The following URB2 variants were observed in gnomAD, a reference collection of about 807,000 sequenced individuals.
URB2 encodes URB2 ribosome biogenesis homolog.
URB2 carries 86 observed loss-of-function variants against 120.9 expected under a neutral mutation model. The ratio of observed to expected loss-of-function variants is 0.71; its 90% CI spans 0.60 to 0.85. The LOEUF (loss-of-function observed/expected upper bound fraction) is 0.85. URB2 is among the 40% of genes least tolerant of loss of function. The pLI, the probability that URB2 is intolerant of heterozygous loss-of-function variation, is 0.00. For synonymous variants in URB2, 755 were observed against 758.4 expected (o/e 1.00, Z 0.07); for missense variants, 1,765 against 1,836.5 (o/e 0.96, Z 0.71).
chr1:229,642,602 C>T (rs1184629305), intron 4 of URB2, among the ~76,000 whole-genome samples: 7 of 152,120 alleles, frequency 4.6e-5, no homozygotes, highest in African/African-American at 1.7e-4. Flanking sequence ...AAACCGTGGG[C>T]CCAAGGACAC....
intron 2 of URB2, among the ~76,000 whole-genome samples, chr1:229,628,235 A>G (rs887677055): frequency 6.9e-6 from 1 of 145,342 alleles, no homozygotes; most frequent in Non-Finnish European, 1.5e-5. Flanking sequence ...ATATATGTAT[A>G]TATATTATAC....
chr1:229,637,508 G>A lies in URB2; in HGVS notation c.2895G>A (p.Met965Ile). 3 of 1,614,208 alleles carry A rather than the reference G, an allele frequency of 1.9e-6. No individual in the cohort carries two copies. The highest frequency in any genetic ancestry group is 1.1e-5 in the South Asian group (1 of 91,086). ...GKSARSVFKI[M>I]YGSDIFEVVL... ...GTGCTCGCTCTGTGTTCAAGATCAT[G>A]TATGGTAGTGATATTTTTGAGGTTG... Residue 965 changes from methionine to isoleucine, a missense_variant, in exon 4 of 10, where the codon ATG (methionine) becomes ATA (isoleucine). By Grantham distance (10) the Met-to-Ile change is conservative. Transcript: ENST00000258243.
At chr1:229,653,939 T>TG (rs1410232048) in intron 8 of URB2, among the ~76,000 whole-genome samples, 2 of 146,894 alleles carry the variant, frequency 1.4e-5, no homozygotes, top group Non-Finnish European at 3.0e-5. Context: ...TCTTGGTGTT[T>TG]TTTTTTTTTT....
intron 8 of URB2, among the ~76,000 whole-genome samples, chr1:229,652,066 G>A (rs770934763): frequency 6.6e-6 from 1 of 151,816 alleles, no homozygotes; most frequent in East Asian, 1.9e-4. Flanking sequence ...CCTGTAATCC[G>A]AGCTACTTGG....
chr1:229,645,457 C>T (rs1456014829), intron 5 of URB2, among the ~76,000 whole-genome samples: 1 of 152,170 alleles, frequency 6.6e-6, no homozygotes, highest in East Asian at 1.9e-4. Flanking sequence ...CCCCTCCTAT[C>T]TGTAAGCGTG....
intron 5 of URB2, among the ~76,000 whole-genome samples, chr1:229,645,292 A>G (rs1450435247): frequency 4.0e-5 from 6 of 151,544 alleles, no homozygotes; most frequent in Admixed American, 3.9e-4. Context: ...TCTCGAAAAA[A>G]AAAAAAAAGT....
chr1:229,652,938 A>G (rs926911439), intron 8 of URB2, among the ~76,000 whole-genome samples: 1 of 152,240 alleles, frequency 6.6e-6, no homozygotes, highest in Non-Finnish European at 1.5e-5. Context: ...GTTCTCAGAC[A>G]CATTCATGGC....
rs180711261 is a variant in URB2 at position 229,655,338 on chromosome 1, A to G, written c.4377+950A>G. Among the ~76,000 whole-genome samples, 550 of 152,184 alleles carry G rather than the reference A, an allele frequency of 3.6e-3. 4 individuals carry two copies. Among genetic ancestry groups the G allele is most frequent in the African/African-American group, 0.013 (523 of 41,500 alleles). On this transcript the variant is annotated intron_variant, in intron 9 of 9. Coordinates refer to ENST00000258243, the MANE Select transcript of URB2 (RefSeq NM_014777.4). ...AACCTCTGCCCCGTGGGTTCAAGTG[A>G]TTCTTCTGCCTCAGCCCCCTGAGTA...
At position 229,635,922 on chromosome 1, in the gene URB2, G is replaced by A. The variant is rs1301990321; in HGVS notation, c.1309G>A (p.Asp437Asn). Reference sequence around the variant, plus strand: ...TGACCTGCTGGCTTCAGCGTGGATCGATGCCGAGGTAACAGAGTTTCGAAC... The same window carrying A: ...TGACCTGCTGGCTTCAGCGTGGATCAATGCCGAGGTAACAGAGTTTCGAAC... ...LDDLLASAWI[D>N]AEVTEFRTKK... Residue 437 changes from aspartate to asparagine, a missense_variant, in exon 4 of 10, where the codon GAT (aspartate) becomes AAT (asparagine). Physicochemically the swap from Asp to Asn is conservative, Grantham distance 23 (BLOSUM62 1). Transcript: ENST00000258243. The A allele has an allele frequency of 9.3e-6, 15 of 1,614,096 alleles. No individual in the cohort carries two copies. The Admixed American group carries it at 1.0e-4, about 11-fold the overall frequency.
chr1:229,652,628 A>G (rs1197831495), intron 8 of URB2, among the ~76,000 whole-genome samples: 1 of 152,262 alleles, frequency 6.6e-6, no homozygotes, highest in Admixed American at 6.5e-5. Context: ...CAGCCTTAGT[A>G]AACAAGTTTC....
intron 4 of URB2, among the ~76,000 whole-genome samples, chr1:229,643,300 C>T (rs1441995696): frequency 3.3e-5 from 5 of 152,224 alleles, no homozygotes; most frequent in East Asian, 3.8e-4. Context: ...GCATGGCTGT[C>T]GTCTTCTGTG....
At position 229,651,284 on chromosome 1, in the gene URB2, T is replaced by A; in HGVS notation, c.4199T>A (p.Val1400Glu). ...TTCTTGAACTCTTTCAATAGATTGGTGTTTTCAGTTATGCGGGAAGGGCGG... is the reference window on the plus strand; with the variant it reads ...TTCTTGAACTCTTTCAATAGATTGGAGTTTTCAGTTATGCGGGAAGGGCGG... The part of the protein sequence containing the change: ...PSFLNSFNRL[V>E]FSVMREGRQK... Residue 1400 changes from valine (V) to glutamate (E), a missense_variant, in exon 8 of 10, where the codon GTG (valine) becomes GAG (glutamate). Coordinates refer to ENST00000258243, the MANE Select transcript of URB2 (RefSeq NM_014777.4). 1 of 1,612,736 alleles carries A rather than the reference T, an allele frequency of 6.2e-7. No individual in the cohort carries two copies. The highest frequency in any genetic ancestry group is 2.2e-5 in the East Asian group (1 of 44,866).
At chr1:229,654,499 G>A in intron 9 of URB2, 111 bp downstream of exon 9, 2 of 1,494,812 alleles carry the variant, frequency 1.3e-6, no homozygotes, top group South Asian at 1.3e-5. Flanking sequence ...CTCTGTTGCT[G>A]TGTGCAAGTT....
rs116505905 is a variant in URB2 at position 229,635,454 on chromosome 1, G to A, written c.841G>A (p.Val281Met). 5.3e-4 allele frequency: 854 copies of A among 1,613,224 alleles called. 8 individuals carry two copies. The East Asian group carries it at 0.017, about 32-fold the overall frequency. The change falls in exon 4 of 10, where the codon GTG becomes ATG. Residue 281 changes from valine (V) to methionine (M), a missense_variant. By Grantham distance (21) the Val-to-Met change is conservative. Coordinates refer to ENST00000258243, the MANE Select transcript of URB2 (RefSeq NM_014777.4). ...MKNLLAPMDTVLNRLVDAGYC... is the reference protein window; with the variant it reads ...MKNLLAPMDTMLNRLVDAGYC... Reference sequence around the variant, plus strand: ...GAACCTTCTGGCTCCCATGGACACCGTGCTTAACAGGCTGGTTGATGCTGG... The same window carrying A: ...GAACCTTCTGGCTCCCATGGACACCATGCTTAACAGGCTGGTTGATGCTGG...
intron 4 of URB2, among the ~76,000 whole-genome samples, chr1:229,639,001 A>G (rs1468573496): frequency 6.6e-6 from 1 of 152,158 alleles, no homozygotes; most frequent in African/African-American, 2.4e-5. Flanking sequence ...AAAGATATGA[A>G]AATCTGCCAA....
chr1:229,657,830 T>C (rs1264020040), intron 9 of URB2, among the ~76,000 whole-genome samples: 3 of 152,212 alleles, frequency 2.0e-5, no homozygotes, highest in African/African-American at 7.2e-5. Context: ...AAATTGCCTC[T>C]TTAGGAATGT....
Position 229,659,845 on chromosome 1 carries a change from TG to T in URB2, c.*551del, listed in dbSNP as rs1467953601. 6.6e-6 allele frequency: 1 copy of T among 152,592 alleles called. No homozygotes were observed. The highest frequency in any genetic ancestry group is 1.5e-5 in the Non-Finnish European group (1 of 68,314). The allele number at this position is 152,592 out of a possible 1,614,324, so 9.5% of individuals were successfully genotyped here. Reference sequence around the variant, plus strand: ...AGGTGTCTGCTCTGGGTGGCGATAGTGGGCACCTCAGGCAGGTCGGTGACGT... The same window carrying T: ...AGGTGTCTGCTCTGGGTGGCGATAGTGGCACCTCAGGCAGGTCGGTGACGT... On this transcript the variant is annotated 3_prime_UTR_variant, in exon 10 of 10. Transcript: ENST00000258243.
At position 229,637,976 on chromosome 1, in the gene URB2, C is replaced by T; in HGVS notation, c.3363C>T (p.Ser1121=). ...CCTCGGTCCTCATCTCATCCGTCAG[C>T]ACGCTCTTGGAAGCCGACCTGGGTC... is the stretch of plus-strand genomic sequence containing the variant. ...RLPSVLISSV[S]TLLEADLGQH... Residue 1121 remains serine (S), a synonymous_variant, in exon 4 of 10, where the codon AGC becomes AGT. Coordinates refer to ENST00000258243, the MANE Select transcript of URB2 (RefSeq NM_014777.4). 6.2e-7 allele frequency: 1 copy of T among 1,613,762 alleles called. No homozygotes were observed. The highest frequency in any genetic ancestry group is 1.1e-5 in the South Asian group (1 of 90,994).
At position 229,648,565 on chromosome 1, in the gene URB2, A is replaced by G. The variant is rs187301917; in HGVS notation, c.4149+813A>G. Among the ~76,000 whole-genome samples the G allele has an allele frequency of 1.5e-3, 219 of 148,836 alleles. 1 individual carries two copies. Among genetic ancestry groups the G allele is most frequent in the Non-Finnish European group, 2.7e-3 (180 of 67,856 alleles). On this transcript the variant is annotated intron_variant, in intron 7 of 9. Transcript: ENST00000258243. The stretch of plus-strand genomic sequence containing the variant: ...AAAAATTACAGTTCAGTTAACATTT[A>G]TTGAACATTTGATGTGTTCCACCCC...
Sources: gnomAD v4.1 joint callset for allele counts (sites outside exome capture counted in the v4.1 genomes callset) on GRCh38, gnomAD v4.1.1 for gene constraint, MANE v1.5 for transcripts, NCBI Gene and HGNC (gene_info 2026-07-23, HGNC 2026-07-21) for gene names.